The following ERC2 variants were observed in gnomAD, a reference collection of about 807,000 sequenced individuals.
ERC2 encodes ERC protein 2.
In ERC2, 42 loss-of-function variants were observed where a neutral mutation model predicts 114.8. The ratio of observed to expected loss-of-function variants is 0.37; its 90% CI spans 0.29 to 0.47. The LOEUF is 0.47. Ranked by LOEUF, ERC2 falls within the 20% of genes least tolerant of loss-of-function variation. The pLI is 0.99. For synonymous variants in ERC2, 454 were observed against 425.5 expected (o/e 1.07, Z -0.82); for missense variants, 939 against 1,150.7 (o/e 0.82, Z 2.66).
chr3:55,764,896 G>A (rs962767313), intron 14 of ERC2, among the ~76,000 whole-genome samples: 3 of 152,254 alleles, frequency 2.0e-5, no homozygotes, highest in African/African-American at 7.2e-5. Context: ...ATATGCAGTG[G>A]TGAGGCTCAT....
chr3:56,092,876 T>C (rs926932795), intron 6 of ERC2, among the ~76,000 whole-genome samples: 3 of 152,196 alleles, frequency 2.0e-5, no homozygotes, highest in Non-Finnish European at 4.4e-5. Context: ...GAAATTGTGT[T>C]TTAACATAAA....
intron 17 of ERC2, among the ~76,000 whole-genome samples, chr3:55,627,465 CAAAAAAGAA>C (rs1248493395): frequency 3.9e-4 from 58 of 150,008 alleles, no homozygotes; most frequent in Middle Eastern, 3.4e-3. Context: ...GACTCCATCT[CAAAAAAGAA>C]AAAAAAGAAA....
At chr3:56,349,308 A>G (rs1227410512) in intron 2 of ERC2, among the ~76,000 whole-genome samples, 4 of 152,216 alleles carry the variant, frequency 2.6e-5, no homozygotes, top group Non-Finnish European at 5.9e-5. Context: ...AAAATGGAGA[A>G]GGCATCATTT....
intron 3 of ERC2, among the ~76,000 whole-genome samples, chr3:56,184,217 T>C (rs2083455874): frequency 6.6e-6 from 1 of 152,206 alleles, no homozygotes; most frequent in African/African-American, 2.4e-5. Context: ...AATGAAATTC[T>C]ATTAATATTT....
chr3:55,699,282 T>C (rs2063100103), intron 16 of ERC2, 96 bp downstream of exon 16: 1 of 1,481,644 alleles, frequency 6.7e-7, no homozygotes, highest in South Asian at 1.1e-5. Context: ...AACGTATCAC[T>C]TTATGATGTT....
chr3:55,976,206 A>C (rs1470715443), intron 12 of ERC2, among the ~76,000 whole-genome samples: 1 of 152,162 alleles, frequency 6.6e-6, no homozygotes, highest in Non-Finnish European at 1.5e-5. Flanking sequence ...AAACCAAGGA[A>C]ATCTGAGAAA....
intron 17 of ERC2, among the ~76,000 whole-genome samples, chr3:55,513,523 C>G (rs931660432): frequency 6.6e-6 from 1 of 152,110 alleles, no homozygotes; most frequent in Non-Finnish European, 1.5e-5. Flanking sequence ...TTGACCCTCT[C>G]GGATGTGATA....
chr3:55,746,976 G>A (rs1391402107), intron 14 of ERC2, among the ~76,000 whole-genome samples: 1 of 152,206 alleles, frequency 6.6e-6, no homozygotes, highest in East Asian at 1.9e-4. Flanking sequence ...ATTACTTTGT[G>A]AAGTCTGGAT....
At chr3:56,028,280 G>A (rs1043146823) in intron 7 of ERC2, among the ~76,000 whole-genome samples, 3 of 151,946 alleles carry the variant, frequency 2.0e-5, no homozygotes, top group Middle Eastern at 3.2e-3. Context: ...TTAGTTATTC[G>A]GGGGGTTATG....
At chr3:55,956,419 T>C (rs922001937) in intron 12 of ERC2, among the ~76,000 whole-genome samples, 1 of 149,982 alleles carries the variant, frequency 6.7e-6, no homozygotes, top group Non-Finnish European at 1.5e-5. Flanking sequence ...TAGAAGCTTT[T>C]ACTTGTAACC....
At chr3:56,267,959 A>G (rs2053429842) in intron 3 of ERC2, among the ~76,000 whole-genome samples, 1 of 152,206 alleles carries the variant, frequency 6.6e-6, no homozygotes, top group Non-Finnish European at 1.5e-5. Context: ...ATTTGCTAAC[A>G]GAGTAGATTT....
intron 14 of ERC2, among the ~76,000 whole-genome samples, chr3:55,751,280 A>G (rs567066300): frequency 8.9e-4 from 135 of 152,274 alleles, no homozygotes; most frequent in African/African-American, 3.1e-3. Flanking sequence ...TCTTTAGGAT[A>G]TAAGTGGAGA....
intron 3 of ERC2, among the ~76,000 whole-genome samples, chr3:56,214,994 A>G (rs1419101514): frequency 1.3e-5 from 2 of 152,194 alleles, no homozygotes. Flanking sequence ...TGAAGGAAGC[A>G]CTAAACATGG....
chr3:56,241,639 C>T (rs2051329615), intron 3 of ERC2, among the ~76,000 whole-genome samples: 1 of 152,126 alleles, frequency 6.6e-6, no homozygotes, highest in Non-Finnish European at 1.5e-5. Flanking sequence ...GATCATAGAG[C>T]TATACATATG....
intron 4 of ERC2, among the ~76,000 whole-genome samples, chr3:56,155,239 G>C (rs1356402041): frequency 6.6e-6 from 1 of 151,566 alleles, no homozygotes; most frequent in African/African-American, 2.4e-5. Flanking sequence ...TGGGTCTTCT[G>C]AACACAATGA....
At chr3:55,594,436 C>A (rs1478064443) in intron 17 of ERC2, among the ~76,000 whole-genome samples, 3 of 148,772 alleles carry the variant, frequency 2.0e-5, no homozygotes, top group Non-Finnish European at 4.4e-5. Context: ...GCTGAAAGTG[C>A]CCAAATAGAA....
intron 5 of ERC2, among the ~76,000 whole-genome samples, chr3:56,141,464 G>C (rs1368714251): frequency 6.6e-6 from 1 of 152,166 alleles, no homozygotes; most frequent in African/African-American, 2.4e-5. Context: ...GACCATACCA[G>C]ACATATGGAC....
intron 17 of ERC2, among the ~76,000 whole-genome samples, chr3:55,596,140 A>G (rs2058115226): frequency 6.6e-6 from 1 of 152,244 alleles, no homozygotes. Context: ...TAAAGAAAGC[A>G]CAGTCAATTC....
intron 3 of ERC2, among the ~76,000 whole-genome samples, chr3:56,281,477 C>A: frequency 6.8e-6 from 1 of 146,476 alleles, no homozygotes; most frequent in African/African-American, 2.5e-5. Context: ...AGGACATTAT[C>A]TCTGCTTACA....
Sources: gnomAD v4.1 joint callset for allele counts (sites outside exome capture counted in the v4.1 genomes callset) on GRCh38, gnomAD v4.1.1 for gene constraint, MANE v1.5 for transcripts, NCBI Gene and HGNC (gene_info 2026-07-23, HGNC 2026-07-21) for gene names.